The following CEMIP2 variants were observed in gnomAD, a reference collection of about 807,000 sequenced individuals.
The protein encoded by CEMIP2 is cell migration inducing hyaluronidase 2.
A neutral mutation model predicts 146.9 loss-of-function variants in CEMIP2; 79 were observed. That is an observed-to-expected ratio of 0.54 (90% CI 0.45 to 0.65). The LOEUF (loss-of-function observed/expected upper bound fraction) is 0.65, where lower values mean the gene tolerates loss of function less well. Among genes scored for constraint, CEMIP2 ranks in the 30% least tolerant of loss-of-function variants. The pLI is 0.00. For missense variants in CEMIP2, 1,596 were observed against 1,696.2 expected (o/e 0.94, Z 1.04); for synonymous variants, 601 against 606.3 (o/e 0.99, Z 0.13).
At chr9:71,728,302 CATATATATATATATACGTATATAT>C (rs1823504990) in intron 10 of CEMIP2, among the ~76,000 whole-genome samples, 2 of 11,584 alleles carry the variant, frequency 1.7e-4, no homozygotes, top group Non-Finnish European at 3.0e-4. Flanking sequence ...TATATATATA[CATATATATATATATACGTATATAT>C]ATATATCTCA....
Position 71,712,272 on chromosome 9 carries a change from C to A in CEMIP2, c.2592-12G>T. ...TAATTGGGAACGTCCTGTGGAAATA[C>A]AAGATTTTGTTTAATGCATATGGGC... is the stretch of plus-strand genomic sequence containing the variant. On this transcript the variant is annotated splice_polypyrimidine_tract_variant and intron_variant, in intron 15 of 23. Coordinates refer to ENST00000377044, the MANE Select transcript of CEMIP2 (RefSeq NM_013390.3). The A allele has an allele frequency of 6.2e-7, 1 of 1,612,918 alleles. No individual in the cohort carries two copies. Among genetic ancestry groups the A allele is most frequent in the Non-Finnish European group, 8.5e-7 (1 of 1,179,458 alleles).
At chr9:71,744,027 C>T (rs572790686) in intron 4 of CEMIP2, among the ~76,000 whole-genome samples, 3 of 152,246 alleles carry the variant, frequency 2.0e-5, no homozygotes, top group East Asian at 1.9e-4. Context: ...AATGTTAGGT[C>T]GGCTACTTCC....
intron 17 of CEMIP2, chr9:71,705,070 T>A: frequency 2.5e-6 from 1 of 400,098 alleles, no homozygotes; most frequent in Non-Finnish European, 4.5e-6. Context: ...TTCATCAGAA[T>A]ATAAAACTTC....
chr9:71,769,287 G>T (rs943882170), upstream of CEMIP2, among the ~76,000 whole-genome samples: 7 of 152,190 alleles, frequency 4.6e-5, no homozygotes, highest in African/African-American at 1.7e-4. Flanking sequence ...TCAACCCTCG[G>T]CTGCGTCAGA....
intron 10 of CEMIP2, among the ~76,000 whole-genome samples, chr9:71,725,932 C>T (rs1564010834): frequency 6.6e-6 from 1 of 152,040 alleles, no homozygotes; most frequent in Non-Finnish European, 1.5e-5. Flanking sequence ...CAGGATTGGA[C>T]AAAAGAGAAA....
At chr9:71,694,452 T>C in intron 21 of CEMIP2, 57 bp downstream of exon 21, 6 of 1,394,954 alleles carry the variant, frequency 4.3e-6, no homozygotes, top group Non-Finnish European at 6.1e-6. Flanking sequence ...CTACCTAGTT[T>C]ATGGCATTTT....
At chr9:71,687,790 T>C (rs1466198758) in intron 22 of CEMIP2, among the ~76,000 whole-genome samples, 1 of 152,188 alleles carries the variant, frequency 6.6e-6, no homozygotes, top group Non-Finnish European at 1.5e-5. Context: ...CACTTGAGCC[T>C]GAGAGGTCAA....
chr9:71,741,700 G>A (rs977155966), intron 4 of CEMIP2, among the ~76,000 whole-genome samples: 8 of 136,446 alleles, frequency 5.9e-5, no homozygotes, highest in Non-Finnish European at 9.2e-5. Flanking sequence ...GTGCAATGGC[G>A]TGATCTCGGC....
chr9:71,737,170 A>T (rs550329751), intron 5 of CEMIP2, among the ~76,000 whole-genome samples: 7 of 132,024 alleles, frequency 5.3e-5, no homozygotes, highest in African/African-American at 1.8e-4. Flanking sequence ...AAAAAAAAAA[A>T]AAAGAAAGAA....
In CEMIP2 at chr9:71,745,532, A is replaced by G. The variant is rs1314835409; in HGVS notation, c.520T>C (p.Leu174=). 2 of 1,612,906 alleles carry G rather than the reference A, an allele frequency of 1.2e-6. No individual in the cohort carries two copies. The highest frequency in any genetic ancestry group is 1.3e-5 in the African/African-American group (1 of 74,918). Residue 174 remains leucine (L), a synonymous_variant, in exon 4 of 24, where the codon TTG becomes CTG. Coordinates refer to ENST00000377044, the MANE Select transcript of CEMIP2 (RefSeq NM_013390.3). ...DNKDGSRNIT[L]RTHYILIQDG... ...TGGATCAGGATGTAATGAGTCCTCA[A>G]AGTAATATTTCTGGATCCATCTTTA... is the stretch of plus-strand genomic sequence containing the variant.
intron 5 of CEMIP2, among the ~76,000 whole-genome samples, chr9:71,736,422 C>A (rs62547059): frequency 0.07 from 10,704 of 152,198 alleles, 545 homozygotes; most frequent in South Asian, 0.19. Context: ...TGGTATGTAT[C>A]CACGGATGTC....
chr9:71,687,920 A>G (rs765694874), intron 22 of CEMIP2, among the ~76,000 whole-genome samples: 6 of 152,158 alleles, frequency 3.9e-5, no homozygotes, highest in Non-Finnish European at 7.4e-5. Flanking sequence ...GCAGTGATGC[A>G]AGTATAGTTT....
At chr9:71,767,809 G>A (rs1235981651) in intron 1 of CEMIP2, among the ~76,000 whole-genome samples, 1 of 152,194 alleles carries the variant, frequency 6.6e-6, no homozygotes, top group Non-Finnish European at 1.5e-5. Flanking sequence ...AGCTAACAGA[G>A]AGGCAGGGGG....
At chr9:71,712,376 A>C (rs897962077) in intron 15 of CEMIP2, 116 bp from the exon 16 acceptor site, 7 of 943,196 alleles carry the variant, frequency 7.4e-6, no homozygotes, top group Admixed American at 4.8e-5. Context: ...AAATTCTAGG[A>C]TACAGTAGGA....
chr9:71,685,121 G>A lies in CEMIP2; in HGVS notation c.*76C>T. On this transcript the variant is annotated 3_prime_UTR_variant, in exon 24 of 24. Transcript: ENST00000377044. ...AAAATGGTTCCGTTGGGTTAACAGT[G>A]TCATTTTAAAATGCCATAAATTAAA... 1 of 1,384,896 alleles carries A rather than the reference G, an allele frequency of 7.2e-7. No homozygotes were observed. The highest frequency in any genetic ancestry group is 9.7e-7 in the Non-Finnish European group (1 of 1,031,300). The allele number at this position is 1,384,896 out of a possible 1,614,324, so 85.8% of individuals were successfully genotyped here. A position where few individuals can be genotyped will look rare whatever the true frequency, so the allele number is the denominator to read the frequency against.
intron 1 of CEMIP2, among the ~76,000 whole-genome samples, chr9:71,759,580 T>A (rs922692245): frequency 6.6e-6 from 1 of 152,096 alleles, no homozygotes; most frequent in Non-Finnish European, 1.5e-5. Context: ...AAAAAGGTTA[T>A]GGGAAGGAGA....
chr9:71,685,319 G>A lies in CEMIP2; in HGVS notation c.4030C>T (p.Gln1344Ter). Residue 1344 changes from glutamine (Q) to a stop codon, truncating the protein, a stop_gained, in exon 24 of 24, where the codon CAG (glutamine) becomes TAG (stop). Coordinates refer to ENST00000377044, the MANE Select transcript of CEMIP2 (RefSeq NM_013390.3). LOFTEE classifies it high-confidence loss of function. ...AATTGTTCAAGCACCCCAAGGCCCTGTCCAGCAGGACTGGTAAATAGCTTA... is the reference window on the plus strand; with the variant it reads ...AATTGTTCAAGCACCCCAAGGCCCTATCCAGCAGGACTGGTAAATAGCTTA... The part of the protein sequence containing the change: ...WTKLFTSPAG[Q>*]GLGVLEQFIP... 1 of 1,606,532 alleles carries A rather than the reference G, an allele frequency of 6.2e-7. No homozygotes were observed. The highest frequency in any genetic ancestry group is 1.7e-5 in the Admixed American group (1 of 58,606).
Position 71,750,173 on chromosome 9 carries a change from C to A in CEMIP2, c.201G>T (p.Gln67His). 6.2e-7 allele frequency: 1 copy of A among 1,613,954 alleles called. No homozygotes were observed. The highest frequency in any genetic ancestry group is 8.5e-7 in the Non-Finnish European group (1 of 1,179,998). The stretch of plus-strand genomic sequence containing the variant: ...GCTTTTGACTTTCTCTCTGGGCTTG[C>A]TGTTCTTCAGGTGAGAATGCGAAGG... ...RATFAFSPEE[Q>H]QAQRESQKQK... The change falls in exon 2 of 24, where the codon CAG becomes CAT. Residue 67 changes from glutamine to histidine, a missense_variant. Transcript: ENST00000377044.
chr9:71,745,154 A>T lies in CEMIP2; in HGVS notation c.898T>A (p.Phe300Ile). 6.2e-6 allele frequency: 10 copies of T among 1,613,628 alleles called. No individual in the cohort carries two copies. The highest frequency in any genetic ancestry group is 7.6e-6 in the Non-Finnish European group (9 of 1,179,902). ...YRNESRRLQE[F>I]LRFQDPGRIV... is the part of the protein sequence containing the mutation. ...CGACCTGGATCCTGGAATCTCAGAA[A>T]CTCCTGAAGCCGCCTGCTCTCATTG... The change falls in exon 4 of 24, where the codon TTT (phenylalanine) becomes ATT (isoleucine). Residue 300 changes from phenylalanine to isoleucine, a missense_variant. Transcript: ENST00000377044.
Sources: gnomAD v4.1 joint callset for allele counts (sites outside exome capture counted in the v4.1 genomes callset) on GRCh38, gnomAD v4.1.1 for gene constraint, MANE v1.5 for transcripts, NCBI Gene and HGNC (gene_info 2026-07-23, HGNC 2026-07-21) for gene names.